Variants in PDZD2 observed in about 807,000 individuals in gnomAD.
PDZD2 encodes the protein PDZ domain-containing protein 2.
A neutral mutation model predicts 220.7 loss-of-function variants in PDZD2; 90 were observed. The observed-to-expected ratio is 0.41, with a 90% CI of 0.34 to 0.49. The LOEUF (loss-of-function observed/expected upper bound fraction) is 0.49, where lower values mean the gene tolerates loss of function less well. Among genes scored for constraint, PDZD2 ranks in the 20% least tolerant of loss-of-function variants. The pLI is 0.28. For missense variants in PDZD2, 3,174 were observed against 3,608.5 expected, an observed-to-expected ratio of 0.88 and a Z score of 3.08; for synonymous variants, 1,375 against 1,450.5, an observed-to-expected ratio of 0.95 and a Z score of 1.18.
chr5:31,767,172 C>T (rs1752078974), intron 1 of PDZD2, among the ~76,000 whole-genome samples: 1 of 151,792 alleles, frequency 6.6e-6, no homozygotes, highest in African/African-American at 2.4e-5. Flanking sequence ...GCTGGGATTA[C>T]AGGTGCCCGC....
intron 1 of PDZD2, among the ~76,000 whole-genome samples, chr5:31,705,203 C>CACACACAT (rs148375761): frequency 1.8e-5 from 1 of 56,196 alleles, no homozygotes; most frequent in African/African-American, 5.4e-5. Flanking sequence ...CACACACACA[C>CACACACAT]ACACACATAC....
chr5:31,745,277 A>G (rs1459214702), intron 1 of PDZD2, among the ~76,000 whole-genome samples: 1 of 152,186 alleles, frequency 6.6e-6, no homozygotes, highest in African/African-American at 2.4e-5. Context: ...AAAGACCAAT[A>G]ACACCACCAT....
chr5:31,922,979 C>T (rs1335549843), intron 2 of PDZD2, among the ~76,000 whole-genome samples: 1 of 150,358 alleles, frequency 6.7e-6, no homozygotes, highest in African/African-American at 2.4e-5. Flanking sequence ...CCACGCCCAG[C>T]TCTTCACTAG....
intron 1 of PDZD2, among the ~76,000 whole-genome samples, chr5:31,779,546 T>C (rs1288329557): frequency 6.6e-6 from 1 of 151,856 alleles, no homozygotes; most frequent in East Asian, 1.9e-4. Flanking sequence ...GCTAACTTTT[T>C]GTATTTTTAG....
chr5:32,017,478 G>A (rs966357027), intron 6 of PDZD2, among the ~76,000 whole-genome samples: 1 of 151,856 alleles, frequency 6.6e-6, no homozygotes, highest in African/African-American at 2.4e-5. Context: ...AGTTTAAAAT[G>A]GCCTTGGCAC....
At chr5:31,757,014 C>CG (rs2150183047) in intron 1 of PDZD2, among the ~76,000 whole-genome samples, 1 of 152,284 alleles carries the variant, frequency 6.6e-6, no homozygotes, top group South Asian at 2.1e-4. Context: ...CTGGGTCGGG[C>CG]GGTTCATGCC....
chr5:31,777,662 C>T (rs1296044367), intron 1 of PDZD2, among the ~76,000 whole-genome samples: 1 of 151,930 alleles, frequency 6.6e-6, no homozygotes, highest in Admixed American at 6.6e-5. Context: ...GTGTCTAGCT[C>T]AGGGTTTGTG....
In PDZD2 at chr5:31,643,379, G is replaced by A. The variant is rs116039212; in HGVS notation, c.-361+3942G>A. 5.1e-3 allele frequency among the ~76,000 whole-genome samples: 783 copies of A among 152,294 alleles called. 6 individuals carry two copies. The highest frequency in any genetic ancestry group is 0.017 in the African/African-American group (706 of 41,552). ...ATCCATTGGCTTGTTGCAGTGCTGC[G>A]TCTAAATTTAATGTCCCTCTCTTTT... On this transcript the variant is annotated intron_variant, in intron 1 of 24. Coordinates refer to ENST00000438447, the MANE Select transcript of PDZD2 (RefSeq NM_178140.4).
At chr5:31,956,550 AAAAAAAAAATAAAT>A (rs1171632435) in intron 2 of PDZD2, among the ~76,000 whole-genome samples, 7 of 147,362 alleles carry the variant, frequency 4.8e-5, no homozygotes, top group Non-Finnish European at 9.0e-5. Flanking sequence ...CTGTCTCAAA[AAAAAAAAAATAAAT>A]AAAATAAATA....
At position 32,088,472 on chromosome 5, in the gene PDZD2, A is replaced by C; in HGVS notation, c.5024A>C (p.Glu1675Ala). The change falls in exon 20 of 25, where the codon GAG becomes GCG. Residue 1675 changes from glutamate to alanine, a missense_variant. This residue lies in a region of PDZD2 where 1,861 missense variants were observed against 2,001.0 expected (regional missense o/e 0.93). Transcript: ENST00000438447. The surrounding 1 kb of genome is among the most constrained non-coding windows in gnomAD (Gnocchi z 4.6). The stretch of plus-strand genomic sequence containing the variant: ...TCACTCTTGGAGATGAGCTCTCAGG[A>C]GCATGAAACTCATGCGGACATAAGC... ...PSSLLEMSSQ[E>A]HETHADISTS... 6.2e-7 allele frequency: 1 copy of C among 1,614,030 alleles called. No homozygotes were observed. Among genetic ancestry groups the C allele is most frequent in the African/African-American group, 1.3e-5 (1 of 75,022 alleles).
intron 2 of PDZD2, among the ~76,000 whole-genome samples, chr5:31,836,228 CTT>C (rs34323361): frequency 2.1e-4 from 26 of 122,132 alleles, no homozygotes; most frequent in South Asian, 5.3e-4. Flanking sequence ...ATTTTATTGG[CTT>C]TTTTTTTTTT....
intron 19 of PDZD2, among the ~76,000 whole-genome samples, chr5:32,086,346 C>G (rs1341839791): frequency 1.3e-5 from 2 of 152,174 alleles, no homozygotes; most frequent in African/African-American, 4.8e-5. Flanking sequence ...CCAAATAGAA[C>G]AAGAGCCTGA....
At chr5:32,030,779 G>C (rs900558935) in intron 6 of PDZD2, among the ~76,000 whole-genome samples, 7 of 152,090 alleles carry the variant, frequency 4.6e-5, no homozygotes, top group African/African-American at 1.7e-4. Flanking sequence ...TCTCCTATCA[G>C]GCCAGCATCA....
At chr5:31,927,439 C>T (rs182363314) in intron 2 of PDZD2, among the ~76,000 whole-genome samples, 81 of 152,280 alleles carry the variant, frequency 5.3e-4, no homozygotes, top group African/African-American at 1.8e-3. Flanking sequence ...GGCTGGAGTG[C>T]AGTGGCACTA....
At chr5:31,880,798 T>C (rs866601559) in intron 2 of PDZD2, among the ~76,000 whole-genome samples, 87 of 102,142 alleles carry the variant, frequency 8.5e-4, no homozygotes, top group African/African-American at 3.4e-3. Context: ...TTTCTTTTTT[T>C]TTTTTTTTTT....
At position 32,108,148 on chromosome 5, in the gene PDZD2, A is replaced by C. The variant is rs773381027; in HGVS notation, c.*13A>C. 65 of 1,563,574 alleles carry C rather than the reference A, an allele frequency of 4.2e-5. No homozygotes were observed. Among genetic ancestry groups the C allele is most frequent in the Admixed American group, 3.0e-4 (17 of 56,482 alleles). On this transcript the variant is annotated 3_prime_UTR_variant, in exon 25 of 25. Transcript: ENST00000438447. ...GAATTCTTCATGAATTTTAACAAGA[A>C]TCATTTTCTCAGTTCTCTTCTTTCT...
chr5:31,808,822 C>T (rs534252498), intron 2 of PDZD2, among the ~76,000 whole-genome samples: 48 of 151,834 alleles, frequency 3.2e-4, no homozygotes, highest in African/African-American at 1.1e-3. Context: ...ACTAGAAATA[C>T]AAAAAATTAG....
intron 1 of PDZD2, among the ~76,000 whole-genome samples, chr5:31,776,552 G>A (rs950400262): frequency 2.7e-5 from 4 of 146,764 alleles, no homozygotes; most frequent in East Asian, 2.0e-4. Context: ...TCCTGACCTC[G>A]TGATCTGCCT....
At chr5:31,794,571 T>C (rs1753915136) in intron 1 of PDZD2, among the ~76,000 whole-genome samples, 1 of 151,798 alleles carries the variant, frequency 6.6e-6, no homozygotes, top group Non-Finnish European at 1.5e-5. Context: ...CGGCTAATTT[T>C]TTGTATTTTG....
Sources: gnomAD v4.1 joint callset for allele counts (sites outside exome capture counted in the v4.1 genomes callset) on GRCh38, gnomAD v4.1.1 for gene constraint, gnomAD v4.1.1 regional missense constraint, Gnocchi (gnomAD v3.1) non-coding constraint, MANE v1.5 for transcripts, NCBI Gene and HGNC (gene_info 2026-07-23, HGNC 2026-07-21) for gene names.